Variants in ESRRG observed in about 807,000 individuals in gnomAD.
ESRRG encodes estrogen-related receptor gamma.
ESRRG carries 13 observed loss-of-function variants against 44.0 expected under a neutral mutation model. The observed-to-expected ratio is 0.30, with a 90% CI of 0.19 to 0.47. The LOEUF (loss-of-function observed/expected upper bound fraction) is 0.47, where lower values mean the gene tolerates loss of function less well. Ranked by LOEUF, ESRRG falls within the 20% of genes least tolerant of loss-of-function variation. ESRRG has a pLI of 1.00. For missense variants in ESRRG, 395 were observed against 580.6 expected, an observed-to-expected ratio of 0.68 and a Z score of 3.29; for synonymous variants, 215 against 214.6, an observed-to-expected ratio of 1.00 and a Z score of -0.02.
At chr1:216,704,473 T>C (rs1332902688) in intron 1 of ESRRG, among the ~76,000 whole-genome samples, 1 of 152,132 alleles carries the variant, frequency 6.6e-6, no homozygotes, top group Non-Finnish European at 1.5e-5. Context: ...GCCAAGATCA[T>C]GCCATTGCAC....
chr1:216,873,300 C>T (rs1367367410), intron 2 of ESRRG, among the ~76,000 whole-genome samples: 1 of 151,034 alleles, frequency 6.6e-6, no homozygotes, highest in African/African-American at 2.4e-5. Context: ...CAACCTCCGC[C>T]CCCCTGGTTC....
At chr1:217,100,492 C>G (rs1363760585) in intron 1 of ESRRG, among the ~76,000 whole-genome samples, 1 of 152,198 alleles carries the variant, frequency 6.6e-6, no homozygotes, top group East Asian at 1.9e-4. Flanking sequence ...TGCTGGAGGA[C>G]AGGGTTGGAG....
chr1:216,678,413 C>T (rs978823855), intron 1 of ESRRG, among the ~76,000 whole-genome samples: 1 of 152,112 alleles, frequency 6.6e-6, no homozygotes, highest in Non-Finnish European at 1.5e-5. Context: ...TATTTACATT[C>T]AGTAAAGTAG....
rs2093532939 is a variant in ESRRG at position 216,774,798 on chromosome 1, C to CTTTTTTTTCTTTT, written c.-13-97308_-13-97307insAAAAGAAAAAAAA. The stretch of plus-strand genomic sequence containing the variant: ...ACAGTAAGACAGTGAATAATTTCTT[C>CTTTTTTTTCTTTT]TTTTTTTTTTTTTAAGACAGAATCT... On this transcript the variant is annotated intron_variant, in intron 2 of 7. Transcript: ENST00000359162. Among the ~76,000 whole-genome samples the CTTTTTTTTCTTTT allele has an allele frequency of 3.6e-5, 4 of 110,850 alleles. 1 individual carries two copies. Among genetic ancestry groups the CTTTTTTTTCTTTT allele is most frequent in the South Asian group, 6.4e-4 (2 of 3,130 alleles). 72.7% of individuals were successfully genotyped at this position (110,850 alleles called of 152,430 possible).
chr1:216,524,232 T>C (rs976757619), intron 5 of ESRRG, among the ~76,000 whole-genome samples: 2 of 135,742 alleles, frequency 1.5e-5, no homozygotes, highest in African/African-American at 5.5e-5. Context: ...TATATATACA[T>C]ATATATATAT....
intron 1 of ESRRG, among the ~76,000 whole-genome samples, chr1:217,074,294 C>T (rs1350623601): frequency 1.3e-5 from 2 of 151,858 alleles, no homozygotes; most frequent in Non-Finnish European, 1.5e-5. Context: ...GATGATCCAC[C>T]CACTTTGGCC....
chr1:216,850,532 A>G (rs1434007133), intron 2 of ESRRG, among the ~76,000 whole-genome samples: 1 of 152,130 alleles, frequency 6.6e-6, no homozygotes, highest in Non-Finnish European at 1.5e-5. Flanking sequence ...GGCTAAAAAT[A>G]AGATATAGTG....
At chr1:216,674,255 T>A (rs1373578417) in intron 2 of ESRRG, among the ~76,000 whole-genome samples, 1 of 152,228 alleles carries the variant, frequency 6.6e-6, no homozygotes, top group Non-Finnish European at 1.5e-5. Context: ...TCAGAAGTGA[T>A]GAAAAGCCTT....
Position 216,546,379 on chromosome 1 carries a change from A to T in ESRRG, c.862+17840T>A, listed in dbSNP as rs1361819794. On this transcript the variant is annotated intron_variant, in intron 5 of 6. Coordinates refer to ENST00000408911, the MANE Select transcript of ESRRG (RefSeq NM_001438.4). ...ATTTTTGGAAACCTAATCTACACAA[A>T]CTTGAACAAAAGGGCCTCCTCTATT... is the stretch of plus-strand genomic sequence containing the variant. Among the ~76,000 whole-genome samples the T allele has an allele frequency of 1.3e-5, 2 of 152,084 alleles. 1 individual carries two copies. Among genetic ancestry groups the T allele is most frequent in the East Asian group, 3.9e-4 (2 of 5,164 alleles).
intron 2 of ESRRG, among the ~76,000 whole-genome samples, chr1:216,788,476 G>A (rs763930889): frequency 1.3e-5 from 2 of 152,128 alleles, no homozygotes; most frequent in Non-Finnish European, 2.9e-5. Context: ...TAAGCCCACT[G>A]TTGAGGCCTT....
intron 2 of ESRRG, among the ~76,000 whole-genome samples, chr1:216,866,786 C>T (rs1186044505): frequency 6.6e-6 from 1 of 151,966 alleles, no homozygotes; most frequent in Non-Finnish European, 1.5e-5. Flanking sequence ...TTTCTTCCTC[C>T]ACGTGGCCTT....
At chr1:216,951,538 T>C (rs1294976097) in intron 1 of ESRRG, among the ~76,000 whole-genome samples, 1 of 152,124 alleles carries the variant, frequency 6.6e-6, no homozygotes, top group African/African-American at 2.4e-5. Flanking sequence ...GTTTTTAGCT[T>C]CCGCTTCTTA....
At chr1:216,974,440 T>C (rs548280401) in intron 1 of ESRRG, among the ~76,000 whole-genome samples, 3 of 152,182 alleles carry the variant, frequency 2.0e-5, no homozygotes, top group Non-Finnish European at 4.4e-5. Flanking sequence ...CTCTTGCAGG[T>C]ATTCATTTTC....
chr1:216,999,379 A>G (rs1304960547), intron 1 of ESRRG, among the ~76,000 whole-genome samples: 1 of 152,242 alleles, frequency 6.6e-6, no homozygotes, highest in Non-Finnish European at 1.5e-5. Context: ...CATACATGCT[A>G]GGAACTGTGC....
rs1410954124 is a variant in ESRRG, at chr1:216,519,156, A to G, written c.1128T>C (p.Asn376=). 3 of 1,613,300 alleles carry G rather than the reference A, an allele frequency of 1.9e-6. No individual in the cohort carries two copies. Among genetic ancestry groups the G allele is most frequent in the South Asian group, 1.1e-5 (1 of 91,026 alleles). ...TGACTATGTCAGTATGCCAACCTGAATTAGCAAGAGCTATAGCTTTGAGGG... is the reference window on the plus strand; with the variant it reads ...TGACTATGTCAGTATGCCAACCTGAGTTAGCAAGAGCTATAGCTTTGAGGG... ...FVTLKAIALA[N]SDSMHIEDVE... is the part of the protein sequence containing the mutation. The change falls in exon 6 of 7, where the codon AAT becomes AAC. Residue 376 remains asparagine, a synonymous_variant. Coordinates refer to ENST00000408911, the MANE Select transcript of ESRRG (RefSeq NM_001438.4).
chr1:216,769,607 T>C (rs2093290854), intron 2 of ESRRG, among the ~76,000 whole-genome samples: 1 of 152,068 alleles, frequency 6.6e-6, no homozygotes, highest in Admixed American at 6.6e-5. Flanking sequence ...AGCATTTACA[T>C]AGTCAAGAAA....
chr1:217,026,926 G>GAGAA (rs1268097124), intron 1 of ESRRG, among the ~76,000 whole-genome samples: 5 of 149,500 alleles, frequency 3.3e-5, no homozygotes, highest in African/African-American at 1.2e-4. Context: ...GAGAGAGAGA[G>GAGAA]AGAGAGAGAG....
Position 217,003,597 on chromosome 1 carries a change from A to G in ESRRG, c.-105-63924T>C, listed in dbSNP as rs148752658. On this transcript the variant is annotated intron_variant, in intron 1 of 7. Transcript: ENST00000359162. ...AATTAATAAGTATTAATATTAATTA[A>G]TATTAATATTAATACTAACATAAGG... Among the ~76,000 whole-genome samples the G allele has an allele frequency of 4.8e-3, 435 of 91,068 alleles. 1 individual carries two copies. Among genetic ancestry groups the G allele is most frequent in the Non-Finnish European group, 6.0e-3 (301 of 50,504 alleles). 59.7% of individuals were successfully genotyped at this position (91,068 alleles called of 152,430 possible). A position where few individuals can be genotyped will look rare whatever the true frequency, so the allele number is the denominator to read the frequency against.
rs184015283 is a variant in ESRRG, at chr1:216,868,632, A to T, written c.-14+70950T>A. 8.5e-4 allele frequency among the ~76,000 whole-genome samples: 130 copies of T among 152,276 alleles called. 1 individual carries two copies. The highest frequency in any genetic ancestry group is 6.8e-4 in the Non-Finnish European group (46 of 68,020). Reference sequence around the variant, plus strand: ...CAGTAGATCACTTTTAACTGTATTTAAAAAGGGCTGAATTCTTTTCCAGAG... The same window carrying T: ...CAGTAGATCACTTTTAACTGTATTTTAAAAGGGCTGAATTCTTTTCCAGAG... On this transcript the variant is annotated intron_variant, in intron 2 of 7. Coordinates refer to the ESRRG transcript ENST00000359162.
Sources: allele counts gnomAD v4.1 joint callset (sites outside exome capture counted in the v4.1 genomes callset), GRCh38; gene constraint gnomAD v4.1.1; transcripts MANE v1.5; gene names NCBI Gene and HGNC (gene_info 2026-07-23, HGNC 2026-07-21).